Variants in TEP1 observed in about 807,000 individuals in gnomAD.
TEP1 encodes the protein telomerase protein component 1.
In TEP1, 241 loss-of-function variants were observed where a neutral mutation model predicts 306.3. The observed-to-expected ratio is 0.79, with a 90% CI of 0.71 to 0.88. TEP1 has a LOEUF of 0.88. TEP1 is among the 40% of genes least tolerant of loss of function. TEP1 has a pLI of 0.00. For synonymous variants in TEP1, 1,289 were observed against 1,305.5 expected (o/e 0.99, Z 0.27); for missense variants, 3,051 against 3,276.1 (o/e 0.93, Z 1.68).
chr14:20,372,822 C>A lies in TEP1; in HGVS notation c.6987G>T (p.Ser2329=). The A allele has an allele frequency of 6.2e-7, 1 of 1,614,118 alleles. No individual in the cohort carries two copies. The highest frequency in any genetic ancestry group is 1.1e-5 in the South Asian group (1 of 91,064). Residue 2329 remains serine, a synonymous_variant, in exon 49 of 55, where the codon TCG becomes TCT. Transcript: ENST00000262715. ...CACTGAGGACAAAAAAGGTGTGTGC[C>A]GAGGACCAGATCAGAGCACCAATGT... ...PGHIGALIWS[S]AHTFFVLSAD... is the part of the protein sequence containing the mutation.
Position 20,377,416 on chromosome 14 carries a change from C to T in TEP1, c.5952G>A (p.Val1984=). The T allele has an allele frequency of 6.2e-7, 1 of 1,614,126 alleles. No homozygotes were observed. The highest frequency in any genetic ancestry group is 8.5e-7 in the Non-Finnish European group (1 of 1,180,024). Residue 1984 remains valine (V), a synonymous_variant, in exon 41 of 55, where the codon GTG becomes GTA. Transcript: ENST00000262715. ...GCAAGGACCCATCTTCTGCACCACT[C>T]ACCAATACCTTGGGGCTTAGCCAGG... ...ALAWLSPKVL[V]SGAEDGSLQG...
chr14:20,382,876 C>T (rs538229334), intron 27 of TEP1, among the ~76,000 whole-genome samples, 161 bp from the exon 28 acceptor site: 26 of 152,270 alleles, frequency 1.7e-4, no homozygotes, highest in African/African-American at 6.0e-4. Flanking sequence ...CCCTCTCCTA[C>T]GCTGCTCTGC....
rs758900357 is a variant in TEP1 at position 20,377,382 on chromosome 14, C to T, written c.5986G>A (p.Ala1996Thr). Residue 1996 changes from alanine to threonine, a missense_variant, in exon 41 of 55, where the codon GCA becomes ACA. By Grantham distance (58) the Ala-to-Thr change is moderately conservative. This residue lies in a region of TEP1 where 1,540 missense variants were observed against 1,705.9 expected (regional missense o/e 0.90). Transcript: ENST00000262715. ...GACTGAAGGGAGCATTCCTTGAGTG[C>T]CCAGCCCTGCAAGGACCCATCTTCT... ...GAEDGSLQGW[A>T]LKECSLQSLW... 6.2e-7 allele frequency: 1 copy of T among 1,614,106 alleles called. No individual in the cohort carries two copies. The highest frequency in any genetic ancestry group is 8.5e-7 in the Non-Finnish European group (1 of 1,180,012).
At chr14:20,411,656 G>A (rs1324735815) in intron 1 of TEP1, among the ~76,000 whole-genome samples, 2 of 151,150 alleles carry the variant, frequency 1.3e-5, no homozygotes, top group Admixed American at 6.6e-5. Context: ...TTGAGAATCT[G>A]GTAAAAGCTA....
At position 20,368,094 on chromosome 14, in the gene TEP1, T is replaced by TGGCA. The variant is rs1884582286; in HGVS notation, c.*339_*342dup. Reference sequence around the variant, plus strand: ...CTCTCATTCCTCCTCCTGGCAAGAATGGCATCCTAGGGTCCTAGGGCCCGC... The same window carrying TGGCA: ...CTCTCATTCCTCCTCCTGGCAAGAATGGCAGGCATCCTAGGGTCCTAGGGCCCGC... On this transcript the variant is annotated 3_prime_UTR_variant, in exon 55 of 55. Transcript: ENST00000262715. The TGGCA allele has an allele frequency of 5.5e-6, 1 of 180,514 alleles. No homozygotes were observed. Among genetic ancestry groups the TGGCA allele is most frequent in the African/African-American group, 2.4e-5 (1 of 42,234 alleles). The allele number at this position is 180,514 out of a possible 1,614,324, so 11.2% of individuals were successfully genotyped here. A position where few individuals can be genotyped will look rare whatever the true frequency, so the allele number is the denominator to read the frequency against.
chr14:20,405,384 A>G, intron 4 of TEP1, 67 bp downstream of exon 4: 14 of 1,371,474 alleles, frequency 1.0e-5, no homozygotes, highest in Non-Finnish European at 1.4e-5. Flanking sequence ...CCACCCCGCC[A>G]CACACCATAA....
rs1251038786 is a variant in TEP1 at position 20,367,142 on chromosome 14, T to C, written c.*1295A>G. On this transcript the variant is annotated 3_prime_UTR_variant, in exon 55 of 55. Transcript: ENST00000262715. ...ACTTTAAGAGGCTGAGGTGTGCAGA[T>C]AACCTGAGGTCAGGAGTTTGAGACC... 6.6e-6 allele frequency: 1 copy of C among 152,228 alleles called. No individual in the cohort carries two copies. Among genetic ancestry groups the C allele is most frequent in the African/African-American group, 2.4e-5 (1 of 41,460 alleles). The allele number at this position is 152,228 out of a possible 1,614,324, so 9.4% of individuals were successfully genotyped here.
At chr14:20,391,187 G>T in intron 13 of TEP1, 91 bp from the exon 14 acceptor site, 1 of 1,332,618 alleles carries the variant, frequency 7.5e-7, no homozygotes, top group Non-Finnish European at 1.0e-6. Context: ...CCTTCCATTG[G>T]TTAGAGGGAA....
In TEP1 at chr14:20,406,219, T is replaced by G. The variant is rs755916357; in HGVS notation, c.735+14A>C. The G allele has an allele frequency of 1.9e-6, 3 of 1,613,524 alleles. No individual in the cohort carries two copies. In the Admixed American group the frequency reaches 5.0e-5, roughly 27 times the overall value. Reference sequence around the variant, plus strand: ...ACACCATTATTAACCTTCCCCTAACTCTTGAATTTTTACCTTCTTTTCCTG... The same window carrying G: ...ACACCATTATTAACCTTCCCCTAACGCTTGAATTTTTACCTTCTTTTCCTG... On this transcript the variant is annotated intron_variant, in intron 3 of 54. Transcript: ENST00000262715.
At chr14:20,401,413 G>A (rs1174174761) in intron 8 of TEP1, 44 bp downstream of exon 8, 1 of 1,608,614 alleles carries the variant, frequency 6.2e-7, no homozygotes, top group Non-Finnish European at 8.5e-7. Context: ...GAAAAGTTAA[G>A]GAATTACTTA....
In TEP1 at chr14:20,373,504, C is replaced by G; in HGVS notation, c.6681+3G>C. 1 of 1,614,224 alleles carries G rather than the reference C, an allele frequency of 6.2e-7. No individual in the cohort carries two copies. Among genetic ancestry groups the G allele is most frequent in the Non-Finnish European group, 8.5e-7 (1 of 1,180,044 alleles). The stretch of plus-strand genomic sequence containing the variant: ...CTTGACTCTGGTCCTTGCAGGAACT[C>G]ACCAAGAGTGGATGCCATAACCGTG... On this transcript the variant is annotated splice_donor_region_variant and intron_variant, in intron 46 of 54. Coordinates refer to ENST00000262715, the MANE Select transcript of TEP1 (RefSeq NM_007110.5).
chr14:20,411,502 CT>C (rs1356060851), intron 1 of TEP1, among the ~76,000 whole-genome samples: 2 of 152,086 alleles, frequency 1.3e-5, no homozygotes, highest in Admixed American at 6.5e-5. Context: ...TGGCCTTCTC[CT>C]TGTTTTCACA....
intron 12 of TEP1, among the ~76,000 whole-genome samples, chr14:20,395,049 A>G (rs1459683647): frequency 1.3e-5 from 2 of 152,214 alleles, no homozygotes; most frequent in Non-Finnish European, 2.9e-5. Context: ...AAAAACAAAA[A>G]AGATGAATGG....
intron 12 of TEP1, among the ~76,000 whole-genome samples, chr14:20,395,145 CAG>C (rs796679866): frequency 1.2e-4 from 18 of 152,248 alleles, no homozygotes; most frequent in African/African-American, 4.3e-4. Context: ...AGAGCAGAAG[CAG>C]AGAGGACACC....
rs762591405 is a variant in TEP1 at position 20,376,262 on chromosome 14, C to T, written c.6091G>A (p.Asp2031Asn). ...CTTGGCCACAGCTGCACTGTGAAAT[C>T]CTCTGCATTGGAAAAAGAGAGAGGG... The part of the protein sequence containing the change: ...SQELLASASE[D>N]FTVQLWPRQL... Residue 2031 changes from aspartate (D) to asparagine (N), a missense_variant and splice_region_variant, in exon 42 of 55, where the codon GAT becomes AAT. Coordinates refer to ENST00000262715, the MANE Select transcript of TEP1 (RefSeq NM_007110.5). The T allele has an allele frequency of 3.7e-6, 6 of 1,611,502 alleles. No individual in the cohort carries two copies. The East Asian group carries it at 1.3e-4, about 36-fold the overall frequency.
rs1272281628 is a variant in TEP1, at chr14:20,395,891, A to G, written c.1718T>C (p.Ile573Thr). 8 of 1,614,008 alleles carry G rather than the reference A, an allele frequency of 5.0e-6. No individual in the cohort carries two copies. The highest frequency in any genetic ancestry group is 1.3e-5 in the African/African-American group (1 of 74,908). Reference sequence around the variant, plus strand: ...TCTGAGTTGAGCCTCGAGGGCATCAATGGCATCATGGGCGTTAAGAAATCT... The same window carrying G: ...TCTGAGTTGAGCCTCGAGGGCATCAGTGGCATCATGGGCGTTAAGAAATCT... ...PFRFLNAHDA[I>T]DALEAQLRNQ... Residue 573 changes from isoleucine (I) to threonine (T), a missense_variant, in exon 11 of 55, where the codon ATT becomes ACT. Around this residue, in one of 3 missense-constraint regions of TEP1, gnomAD observed 1,507 missense variants for 1,550.5 expected, o/e 0.97. Coordinates refer to ENST00000262715, the MANE Select transcript of TEP1 (RefSeq NM_007110.5).
In TEP1 at chr14:20,406,345, TAAGAAGGCA is replaced by T; in HGVS notation, c.614_622del (p.Met205_Tyr208delinsAsn). 1 of 1,614,172 alleles carries T rather than the reference TAAGAAGGCA, an allele frequency of 6.2e-7. No individual in the cohort carries two copies. Among genetic ancestry groups the T allele is most frequent in the Non-Finnish European group, 8.5e-7 (1 of 1,180,036 alleles). On this transcript the variant is annotated inframe_deletion, in exon 3 of 55. Transcript: ENST00000262715. ...CTCCTCCTCTCCCAAGCTCAGACTA[TAAGAAGGCA>T]TTTGGGTCTCTGCCCCTTTCTTCTC...
intron 34 of TEP1, 47 bp downstream of exon 34, chr14:20,380,188 A>C (rs781384713): frequency 2.5e-6 from 4 of 1,594,884 alleles, no homozygotes; most frequent in Non-Finnish European, 3.4e-6. Flanking sequence ...AAAGAGCTGC[A>C]GCTTGCTCTC....
chr14:20,380,581 G>T (rs1355036784), intron 33 of TEP1, 106 bp from the exon 34 acceptor site: 49 of 1,444,744 alleles, frequency 3.4e-5, no homozygotes, highest in Non-Finnish European at 4.3e-5. Context: ...CTCAAAGTGT[G>T]GCCCTCTGGC....
Sources: gnomAD v4.1 joint callset for allele counts (sites outside exome capture counted in the v4.1 genomes callset) on GRCh38, gnomAD v4.1.1 for gene constraint, gnomAD v4.1.1 regional missense constraint, MANE v1.5 for transcripts, NCBI Gene and HGNC (gene_info 2026-07-23, HGNC 2026-07-21) for gene names.